Variants in ZNF98 observed in about 807,000 individuals in gnomAD.
ZNF98 encodes the protein zinc finger protein 739.
ZNF98 carries 8 observed loss-of-function variants against 12.8 expected under a neutral mutation model. That is an observed-to-expected ratio of 0.63 (90% CI 0.37 to 1.13). The LOEUF (loss-of-function observed/expected upper bound fraction) is 1.13. Ranked by LOEUF, ZNF98 falls within the 50% of genes most tolerant of loss-of-function variation. The pLI, the probability that ZNF98 is intolerant of heterozygous loss-of-function variation, is 0.01. For missense variants in ZNF98, 379 were observed against 666.1 expected (o/e 0.57, Z 4.74); for synonymous variants, 112 against 223.5 (o/e 0.50, Z 4.45).
chr19:22,392,515 G>C lies in ZNF98; in HGVS notation c.720C>G (p.Cys240Trp), dbSNP rs370915484. Residue 240 changes from cysteine (C) to tryptophan (W), a missense_variant, in exon 4 of 4, where the codon TGC becomes TGG. Physicochemically the swap from Cys to Trp is radical, Grantham distance 215. Transcript: ENST00000357774. The part of the protein sequence containing the change: ...RIHTGKKPYK[C>W]EECGKAFNRL... ...GGTTAAAGGCTTTTCCACACTCTTC[G>C]CATTTGTAGGGTTTCTTTCCAGTAT... is the stretch of plus-strand genomic sequence containing the variant. The C allele has an allele frequency of 1.9e-6, 3 of 1,600,448 alleles. No individual in the cohort carries two copies. The highest frequency in any genetic ancestry group is 1.1e-5 in the South Asian group (1 of 89,836).
At chr19:22,416,298 G>A (rs1277850232) in intron 1 of ZNF98, among the ~76,000 whole-genome samples, 4 of 150,234 alleles carry the variant, frequency 2.7e-5, no homozygotes, top group Non-Finnish European at 5.9e-5. Flanking sequence ...GTGAAACCCC[G>A]TCTCTACGAA....
At chr19:22,416,330 C>T (rs190886100) in intron 1 of ZNF98, among the ~76,000 whole-genome samples, 24 of 151,800 alleles carry the variant, frequency 1.6e-4, no homozygotes, top group African/African-American at 4.6e-4. Context: ...ATTAGCCGGG[C>T]GTGGTGGTGG....
intron 1 of ZNF98, among the ~76,000 whole-genome samples, chr19:22,412,069 C>T (rs554638715): frequency 6.6e-6 from 1 of 152,308 alleles, no homozygotes; most frequent in Non-Finnish European, 1.5e-5. Context: ...CCTGACTAAA[C>T]AGTCTTAATA....
chr19:22,401,943 A>G (rs1444340915), intron 3 of ZNF98, among the ~76,000 whole-genome samples: 32 of 150,940 alleles, frequency 2.1e-4, no homozygotes, highest in East Asian at 1.8e-3. Flanking sequence ...TTGGGAGGCC[A>G]AGGCAGGCGG....
At chr19:22,401,889 A>G (rs1969461530) in intron 3 of ZNF98, among the ~76,000 whole-genome samples, 1 of 151,618 alleles carries the variant, frequency 6.6e-6, no homozygotes, top group African/African-American at 2.4e-5. Flanking sequence ...AGAAAATACA[A>G]TTCTCGGTCA....
chr19:22,395,375 C>T (rs1041209122), intron 3 of ZNF98, among the ~76,000 whole-genome samples: 1 of 151,118 alleles, frequency 6.6e-6, no homozygotes, highest in Non-Finnish European at 1.5e-5. Flanking sequence ...TTTTGATGTC[C>T]AAATCTCATT....
In ZNF98 at chr19:22,391,736, T is replaced by A; in HGVS notation, c.1499A>T (p.Asn500Ile). Residue 500 changes from asparagine to isoleucine, a missense_variant, in exon 4 of 4, where the codon AAC (asparagine) becomes ATC (isoleucine). Physicochemically the swap from Asn to Ile is moderately radical, Grantham distance 149 (BLOSUM62 -3). Coordinates refer to ENST00000357774, the MANE Select transcript of ZNF98 (RefSeq NM_001098626.2). ...YKCEECGKAF[N>I]QSSHLTTHKM... ...ATGTGTAGTAAGGTGTGAGGACTGG[T>A]TAAAAGCTTTGCCACATTCTTCACA... is the stretch of plus-strand genomic sequence containing the variant. 1 of 1,612,758 alleles carries A rather than the reference T, an allele frequency of 6.2e-7. No individual in the cohort carries two copies. Among genetic ancestry groups the A allele is most frequent in the Non-Finnish European group, 8.5e-7 (1 of 1,179,480 alleles).
At position 22,407,466 on chromosome 19, in the gene ZNF98, C is replaced by T. The variant is rs868212989; in HGVS notation, c.31-3954G>A. Among the ~76,000 whole-genome samples the T allele has an allele frequency of 4.2e-4, 63 of 150,288 alleles. 1 individual carries two copies. The highest frequency in any genetic ancestry group is 3.4e-3 in the Middle Eastern group (1 of 290). The stretch of plus-strand genomic sequence containing the variant: ...CGGTGGCTCACGCCTGTAATCCCAG[C>T]ACTTTGGGAGGCCAAGGCGGGTGAA... On this transcript the variant is annotated intron_variant, in intron 1 of 3. Transcript: ENST00000357774.
In ZNF98 at chr19:22,392,996, AAT is replaced by A; in HGVS notation, c.254-17_254-16del. 1 of 1,478,498 alleles carries A rather than the reference AAT, an allele frequency of 6.8e-7. No homozygotes were observed. The allele number at this position is 1,478,498 out of a possible 1,614,324, so 91.6% of individuals were successfully genotyped here. ...AGAATATACAACTGAAAGAAATAAA[AAT>A]AATAAATTACTTCACTTACTAGACT... is the stretch of plus-strand genomic sequence containing the variant. On this transcript the variant is annotated splice_polypyrimidine_tract_variant and intron_variant, in intron 3 of 3. Coordinates refer to ENST00000357774, the MANE Select transcript of ZNF98 (RefSeq NM_001098626.2).
chr19:22,416,467 TCAA>T (rs556329419), intron 1 of ZNF98, among the ~76,000 whole-genome samples: 85 of 148,748 alleles, frequency 5.7e-4, no homozygotes, highest in African/African-American at 1.8e-3. Context: ...AGACTCCGTC[TCAA>T]CAACAACAAC....
chr19:22,402,175 C>CAAAAAAAAAAAAAAA (rs869111485), intron 3 of ZNF98, among the ~76,000 whole-genome samples: 2 of 60,512 alleles, frequency 3.3e-5, no homozygotes, highest in African/African-American at 6.4e-5. Flanking sequence ...GACTCCATCT[C>CAAAAAAAAAAAAAAA]AAAAAAAAAA....
rs375884013 is a variant in ZNF98, at chr19:22,419,599, T to C, written c.30+2596A>G. Among the ~76,000 whole-genome samples, 5 of 152,212 alleles carry C rather than the reference T, an allele frequency of 3.3e-5. No homozygotes were observed. In the East Asian group the frequency reaches 5.8e-4, roughly 18 times the overall value. On this transcript the variant is annotated intron_variant, in intron 1 of 3. Coordinates refer to ENST00000357774, the MANE Select transcript of ZNF98 (RefSeq NM_001098626.2). ...ATTCAGCAACATTACTTAAACACAA[T>C]GTTCATATAAGGGGATGAAATTATA...
rs1011244062 is a variant in ZNF98 at position 22,392,722 on chromosome 19, T to A, written c.513A>T (p.Arg171Ser). The A allele has an allele frequency of 1.2e-6, 2 of 1,605,398 alleles. No individual in the cohort carries two copies. Among genetic ancestry groups the A allele is most frequent in the African/African-American group, 2.7e-5 (2 of 74,796 alleles). ...KVFHKFSNSNRHKIGHTGKKS... is the reference protein window; with the variant it reads ...KVFHKFSNSNSHKIGHTGKKS... Reference sequence around the variant, plus strand: ...TCTTTCCAGTATGTCCTATCTTATGTCTGTTTGAATTTGAAAATTTATGAA... The same window carrying A: ...TCTTTCCAGTATGTCCTATCTTATGACTGTTTGAATTTGAAAATTTATGAA... The change falls in exon 4 of 4, where the codon AGA (arginine) becomes AGT (serine). Residue 171 changes from arginine to serine, a missense_variant. Transcript: ENST00000357774.
intron 3 of ZNF98, among the ~76,000 whole-genome samples, chr19:22,398,055 A>T (rs1473867152): frequency 1.3e-5 from 2 of 151,506 alleles, no homozygotes; most frequent in Admixed American, 1.3e-4. Flanking sequence ...AAGCAAGGCA[A>T]ATTTCGGTCA....
intron 1 of ZNF98, among the ~76,000 whole-genome samples, chr19:22,411,303 C>T (rs1299095436): frequency 1.3e-5 from 2 of 152,188 alleles, no homozygotes; most frequent in South Asian, 2.1e-4. Context: ...TCCCAAAGCG[C>T]TGGGATTATA....
intron 1 of ZNF98, among the ~76,000 whole-genome samples, chr19:22,421,927 C>G (rs11669179): frequency 0.39 from 58,809 of 152,046 alleles, 11,902 homozygotes; most frequent in Non-Finnish European, 0.46. Context: ...GGGAGAGACG[C>G]GGCACTGCGC....
intron 3 of ZNF98, among the ~76,000 whole-genome samples, chr19:22,402,006 T>C (rs977704155): frequency 1.1e-4 from 17 of 148,564 alleles, no homozygotes; most frequent in Non-Finnish European, 1.8e-4. Context: ...TGACACCCCG[T>C]CTCTACTAAA....
Position 22,391,412 on chromosome 19 carries a change from T to C in ZNF98, c.*104A>G, listed in dbSNP as rs1969320081. 5.4e-6 allele frequency: 8 copies of C among 1,491,012 alleles called. No individual in the cohort carries two copies. The highest frequency in any genetic ancestry group is 1.4e-5 in the African/African-American group (1 of 70,964). The allele number at this position is 1,491,012 out of a possible 1,614,324, so 92.4% of individuals were successfully genotyped here. A position where few individuals can be genotyped will look rare whatever the true frequency, so the allele number is the denominator to read the frequency against. On this transcript the variant is annotated 3_prime_UTR_variant, in exon 4 of 4. Transcript: ENST00000357774. The stretch of plus-strand genomic sequence containing the variant: ...ATAAGGTTTGAGCATTGTGTAAGTT[T>C]TGCCACACTGTTCACACTTGTAGAA...
chr19:22,391,349 AC>A lies in ZNF98; in HGVS notation c.*166del. 6 of 1,348,472 alleles carry A rather than the reference AC, an allele frequency of 4.4e-6. No homozygotes were observed. The highest frequency in any genetic ancestry group is 5.9e-6 in the Non-Finnish European group (6 of 1,010,444). The allele number at this position is 1,348,472 out of a possible 1,614,324, so 83.5% of individuals were successfully genotyped here. On this transcript the variant is annotated 3_prime_UTR_variant, in exon 4 of 4. Coordinates refer to ENST00000357774, the MANE Select transcript of ZNF98 (RefSeq NM_001098626.2). ...ACTTTTTTACTTTCTTTATATTTGT[AC>A]ATTTGTTCTCATCAAGTATAAAGGC...
Sources: allele counts gnomAD v4.1 joint callset (sites outside exome capture counted in the v4.1 genomes callset), GRCh38; gene constraint gnomAD v4.1.1; transcripts MANE v1.5; gene names NCBI Gene and HGNC (gene_info 2026-07-23, HGNC 2026-07-21).